Variants in KIF5C observed in about 807,000 individuals in gnomAD.
KIF5C encodes the protein kinesin heavy chain isoform 5C.
KIF5C carries 18 observed loss-of-function variants against 125.2 expected under a neutral mutation model. The ratio of observed to expected loss-of-function variants is 0.14; its 90% CI spans 0.10 to 0.21. KIF5C has a LOEUF of 0.21. Ranked by LOEUF, KIF5C falls within the 10% of genes least tolerant of loss-of-function variation. The pLI, the probability that KIF5C is intolerant of heterozygous loss-of-function variation, is 1.00. For synonymous variants in KIF5C, 405 were observed against 434.0 expected (o/e 0.93, Z 0.83); for missense variants, 780 against 1,183.8 (o/e 0.66, Z 5.01).
chr2:148,893,233 T>C (rs1681756430), intron 1 of KIF5C, among the ~76,000 whole-genome samples: 1 of 152,236 alleles, frequency 6.6e-6, no homozygotes, highest in Non-Finnish European at 1.5e-5. Context: ...TTTCTACTCT[T>C]TGGTCTCTTT....
At chr2:148,962,574 C>A (rs577260024) in intron 11 of KIF5C, among the ~76,000 whole-genome samples, 93 of 152,234 alleles carry the variant, frequency 6.1e-4, no homozygotes, top group African/African-American at 1.8e-3. Context: ...CTGGCAACAA[C>A]CTGTATGAAC....
intron 7 of KIF5C, among the ~76,000 whole-genome samples, chr2:148,945,085 C>A (rs1252911361): frequency 6.6e-6 from 1 of 151,920 alleles, no homozygotes; most frequent in Non-Finnish European, 1.5e-5. Context: ...TCTTCTATTC[C>A]ATGGATTGCT....
intron 17 of KIF5C, 79 bp downstream of exon 17, chr2:148,994,617 T>G: frequency 6.7e-7 from 1 of 1,482,600 alleles, no homozygotes; most frequent in Non-Finnish European, 9.0e-7. Context: ...ATCATGATGT[T>G]TAGTTTCGTT....
At chr2:148,900,569 T>C (rs528763224) in intron 1 of KIF5C, among the ~76,000 whole-genome samples, 1 of 152,340 alleles carries the variant, frequency 6.6e-6, no homozygotes, top group East Asian at 1.9e-4. Flanking sequence ...CTTTACAAGC[T>C]TCCTGCCTCC....
rs1682589932 is a variant in KIF5C at position 149,023,297 on chromosome 2, A to G, written c.*227A>G. On this transcript the variant is annotated 3_prime_UTR_variant, in exon 26 of 26. Coordinates refer to ENST00000435030, the MANE Select transcript of KIF5C (RefSeq NM_004522.3). Reference sequence around the variant, plus strand: ...TGAAGGAGATGGTTGCAGAAGATCCACTTACTACTGAGAACCATTACCACC... The same window carrying G: ...TGAAGGAGATGGTTGCAGAAGATCCGCTTACTACTGAGAACCATTACCACC... The G allele has an allele frequency of 6.6e-6, 1 of 152,180 alleles. No homozygotes were observed. Among genetic ancestry groups the G allele is most frequent in the Admixed American group, 6.6e-5 (1 of 15,250 alleles). 9.4% of individuals were successfully genotyped at this position (152,180 alleles called of 1,614,324 possible). A position where few individuals can be genotyped will look rare whatever the true frequency, so the allele number is the denominator to read the frequency against.
chr2:148,989,849 T>A (rs1681478885), intron 15 of KIF5C, among the ~76,000 whole-genome samples: 1 of 152,198 alleles, frequency 6.6e-6, no homozygotes, highest in Admixed American at 6.5e-5. Flanking sequence ...GTACTTCATA[T>A]TTGCTACCAA....
In KIF5C at chr2:149,023,539, G is replaced by A. The variant is rs997181871; in HGVS notation, c.*469G>A. On this transcript the variant is annotated 3_prime_UTR_variant, in exon 26 of 26. Transcript: ENST00000435030. ...TTAGGGAACAAAAAGTGCTGCTATA[G>A]GGTTCAAAGTTTTCCTTCTGAACAC... The A allele has an allele frequency of 7.9e-5, 12 of 152,574 alleles. No individual in the cohort carries two copies. Among genetic ancestry groups the A allele is most frequent in the Admixed American group, 6.5e-4 (10 of 15,272 alleles). The allele number at this position is 152,574 out of a possible 1,614,324, so 9.5% of individuals were successfully genotyped here.
chr2:148,976,417 A>G (rs1189297262), intron 12 of KIF5C, among the ~76,000 whole-genome samples: 2 of 151,684 alleles, frequency 1.3e-5, no homozygotes, highest in East Asian at 3.9e-4. Context: ...CTACAGGCGC[A>G]CACCACCACG....
chr2:148,959,143 C>G (rs529601519), intron 10 of KIF5C, among the ~76,000 whole-genome samples: 2 of 152,152 alleles, frequency 1.3e-5, no homozygotes, highest in Non-Finnish European at 2.9e-5. Flanking sequence ...TCCACTTCCC[C>G]TCAGTGCCAT....
chr2:149,011,616 C>T lies in KIF5C; in HGVS notation c.2814C>T (p.Ala938=), dbSNP rs200104621. 1.8e-4 allele frequency: 283 copies of T among 1,614,062 alleles called. 1 individual carries two copies. The highest frequency in any genetic ancestry group is 4.7e-4 in the East Asian group (21 of 44,884). The change falls in exon 25 of 26, where the codon GCC becomes GCT. Residue 938 remains alanine (A), a synonymous_variant. Transcript: ENST00000435030. ...ACTACCCGGCCTCATCTCCAACGGC[C>T]GTCCATGCCATTCGAGGGGGAGGAG... ...PGHYPASSPT[A]VHAIRGGGGS...
chr2:148,892,261 A>G (rs1040985004), intron 1 of KIF5C, among the ~76,000 whole-genome samples: 3 of 152,222 alleles, frequency 2.0e-5, no homozygotes, highest in Non-Finnish European at 4.4e-5. Flanking sequence ...CCGAGGCACT[A>G]GTTCTTTGAG....
At chr2:149,000,558 C>T in intron 20 of KIF5C, 34 bp downstream of exon 20, 1 of 1,546,514 alleles carries the variant, frequency 6.5e-7, no homozygotes, top group Non-Finnish European at 8.8e-7. Flanking sequence ...TCTATTTTCT[C>T]TCATCCCCAT....
At chr2:148,938,686 G>A (rs1231237854) in intron 4 of KIF5C, among the ~76,000 whole-genome samples, 1 of 152,176 alleles carries the variant, frequency 6.6e-6, no homozygotes, top group Admixed American at 6.5e-5. Flanking sequence ...TGAAGGGGCA[G>A]TTCTAAGAAG....
intron 24 of KIF5C, 126 bp downstream of exon 24, chr2:149,010,477 C>T (rs1682156312): frequency 7.7e-6 from 11 of 1,429,950 alleles, no homozygotes; most frequent in Non-Finnish European, 1.0e-5. Flanking sequence ...TTGGAGCCCG[C>T]AGGACGCAGC....
At chr2:148,882,020 C>G (rs1681376889) in intron 1 of KIF5C, among the ~76,000 whole-genome samples, 1 of 152,162 alleles carries the variant, frequency 6.6e-6, no homozygotes, top group Non-Finnish European at 1.5e-5. Flanking sequence ...TGAGAAAGCT[C>G]TCCCCATAAC....
intron 7 of KIF5C, among the ~76,000 whole-genome samples, chr2:148,943,386 C>T (rs1356566511): frequency 1.3e-5 from 2 of 151,808 alleles, no homozygotes; most frequent in Non-Finnish European, 1.5e-5. Flanking sequence ...GCAGAGGATC[C>T]GTGAAAAAAG....
intron 17 of KIF5C, among the ~76,000 whole-genome samples, chr2:148,996,901 C>T (rs1681689717): frequency 6.6e-6 from 1 of 152,164 alleles, no homozygotes; most frequent in Non-Finnish European, 1.5e-5. Flanking sequence ...CTGTAAGGCC[C>T]GTTCATGCAC....
chr2:149,006,810 G>C (rs1340525075), intron 22 of KIF5C, among the ~76,000 whole-genome samples: 2 of 152,322 alleles, frequency 1.3e-5, no homozygotes, highest in Non-Finnish European at 2.9e-5. Context: ...AAAGGTGATG[G>C]ACAGGGAGGC....
At chr2:148,977,581 C>A (rs1681110843) in intron 12 of KIF5C, among the ~76,000 whole-genome samples, 1 of 152,170 alleles carries the variant, frequency 6.6e-6, no homozygotes. Flanking sequence ...TTGGAGGTTT[C>A]ATTCTGGTAT....
Sources: gnomAD v4.1 joint callset for allele counts (sites outside exome capture counted in the v4.1 genomes callset) on GRCh38, gnomAD v4.1.1 for gene constraint, MANE v1.5 for transcripts, NCBI Gene and HGNC (gene_info 2026-07-23, HGNC 2026-07-21) for gene names.